The following LSG1 variants were observed in gnomAD, a reference collection of about 807,000 sequenced individuals.
LSG1 encodes the protein large 60S subunit nuclear export GTPase 1.
LSG1 carries 55 observed loss-of-function variants against 82.6 expected under a neutral mutation model. The observed-to-expected ratio is 0.67, with a 90% CI of 0.54 to 0.83. The LOEUF is 0.83. Ranked by LOEUF, LSG1 falls within the 40% of genes least tolerant of loss-of-function variation. The pLI is 0.00. For synonymous variants in LSG1, 272 were observed against 282.5 expected (o/e 0.96, Z 0.37); for missense variants, 809 against 807.9 (o/e 1.00, Z -0.02).
At chr3:194,655,922 T>C (rs559458712) in intron 7 of LSG1, among the ~76,000 whole-genome samples, 73 of 152,298 alleles carry the variant, frequency 4.8e-4, no homozygotes, top group African/African-American at 1.7e-3. Context: ...ATTTAATATA[T>C]GGTGCTGGGA....
chr3:194,665,443 A>G, intron 5 of LSG1, 114 bp downstream of exon 5: 1 of 624,316 alleles, frequency 1.6e-6, no homozygotes. Flanking sequence ...ATTCTCAGTA[A>G]CCCTCTGCAT....
chr3:194,666,643 A>C, intron 2 of LSG1, 71 bp from the exon 3 acceptor site: 1 of 1,258,174 alleles, frequency 7.9e-7, no homozygotes, highest in Non-Finnish European at 1.1e-6. Flanking sequence ...CATACTGATA[A>C]ACTGAGAAAA....
At chr3:194,655,112 A>C (rs2108618180) in intron 7 of LSG1, among the ~76,000 whole-genome samples, 1 of 152,308 alleles carries the variant, frequency 6.6e-6, no homozygotes, top group Non-Finnish European at 1.5e-5. Flanking sequence ...ACTTGGGAGA[A>C]GCAAATGGCG....
intron 12 of LSG1, among the ~76,000 whole-genome samples, chr3:194,645,830 C>T (rs1240537017): frequency 1.3e-5 from 2 of 152,128 alleles, no homozygotes; most frequent in African/African-American, 2.4e-5. Context: ...TAGCTGTTAT[C>T]GTTACTAGGC....
At chr3:194,667,739 A>T (rs2794673) in intron 2 of LSG1, among the ~76,000 whole-genome samples, 96,301 of 149,794 alleles carry the variant, frequency 0.64, 31,690 homozygotes, top group East Asian at 0.87. Flanking sequence ...CTGGCCTACA[A>T]GGTGAAACCC....
chr3:194,642,701 G>A (rs934969201), intron 13 of LSG1, among the ~76,000 whole-genome samples: 3 of 152,120 alleles, frequency 2.0e-5, no homozygotes, highest in African/African-American at 7.2e-5. Context: ...ATTATGACAA[G>A]TTTTCAGCTT....
chr3:194,654,652 G>A (rs149970872), intron 7 of LSG1, among the ~76,000 whole-genome samples: 1 of 152,156 alleles, frequency 6.6e-6, no homozygotes, highest in Non-Finnish European at 1.5e-5. Flanking sequence ...TTTCAAATAT[G>A]AAAGTAGCAT....
At chr3:194,647,746 C>G (rs1227678158) in intron 11 of LSG1, among the ~76,000 whole-genome samples, 2 of 152,178 alleles carry the variant, frequency 1.3e-5, no homozygotes, top group East Asian at 3.9e-4. Flanking sequence ...AGATCTCACC[C>G]AGGCTATTCC....
chr3:194,664,987 TATC>T (rs1231630886), intron 5 of LSG1, among the ~76,000 whole-genome samples: 3 of 152,280 alleles, frequency 2.0e-5, no homozygotes, highest in Admixed American at 6.5e-5. Context: ...CCTCAATACT[TATC>T]AACCACTCCT....
chr3:194,647,701 C>T (rs1182678229), intron 11 of LSG1, among the ~76,000 whole-genome samples: 1 of 152,168 alleles, frequency 6.6e-6, no homozygotes, highest in African/African-American at 2.4e-5. Context: ...TGGAAGTCCA[C>T]CTTTCTGCAT....
At chr3:194,670,561 T>C (rs577388721) in intron 1 of LSG1, among the ~76,000 whole-genome samples, 1 of 152,308 alleles carries the variant, frequency 6.6e-6, no homozygotes, top group Non-Finnish European at 1.5e-5. Context: ...TGTATGTACA[T>C]ATAATGATAC....
intron 12 of LSG1, 62 bp from the exon 13 acceptor site, chr3:194,644,808 A>G: frequency 7.2e-7 from 1 of 1,394,734 alleles, no homozygotes; most frequent in Non-Finnish European, 9.7e-7. Flanking sequence ...CTCAGAGGAG[A>G]CAGCTCCACC....
intron 5 of LSG1, chr3:194,660,914 T>C (rs1339768285): frequency 6.6e-6 from 3 of 456,368 alleles, no homozygotes; most frequent in African/African-American, 6.0e-5. Context: ...AATTCCCTTC[T>C]ATGGGAGGCT....
rs989865192 is a variant in LSG1 at position 194,645,597 on chromosome 3, C to G, written c.1623+567G>C. 2.8e-3 allele frequency among the ~76,000 whole-genome samples: 313 copies of G among 112,330 alleles called. 7 individuals carry two copies. The highest frequency in any genetic ancestry group is 0.015 in the Middle Eastern group (3 of 196). 73.7% of individuals were successfully genotyped at this position (112,330 alleles called of 152,430 possible). A position where few individuals can be genotyped will look rare whatever the true frequency, so the allele number is the denominator to read the frequency against. On this transcript the variant is annotated intron_variant, in intron 12 of 13. Coordinates refer to ENST00000265245, the MANE Select transcript of LSG1 (RefSeq NM_018385.3). ...ACAGACACACACACACACACACACA[C>G]ACACACACACACACACACACACACA...
In LSG1 at chr3:194,641,860, C is replaced by A; in HGVS notation, c.*208G>T. On this transcript the variant is annotated 3_prime_UTR_variant, in exon 14 of 14. Coordinates refer to ENST00000265245, the MANE Select transcript of LSG1 (RefSeq NM_018385.3). ...TGTGCCCGGCCAGGAGTAGGATTCT[C>A]GGGCTCCCAGATGACTCCTTTTTGT... is the stretch of plus-strand genomic sequence containing the variant. 2.2e-6 allele frequency: 1 copy of A among 463,808 alleles called. No individual in the cohort carries two copies. The highest frequency in any genetic ancestry group is 3.8e-6 in the Non-Finnish European group (1 of 266,226). The allele number at this position is 463,808 out of a possible 1,614,324, so 28.7% of individuals were successfully genotyped here.
At chr3:194,667,022 G>A (rs553859079) in intron 2 of LSG1, among the ~76,000 whole-genome samples, 1 of 152,136 alleles carries the variant, frequency 6.6e-6, no homozygotes, top group East Asian at 1.9e-4. Context: ...GAGAAGTAGA[G>A]GTGCTGGCTC....
intron 5 of LSG1, among the ~76,000 whole-genome samples, chr3:194,663,175 G>C (rs966347611): frequency 6.6e-6 from 1 of 152,128 alleles, no homozygotes; most frequent in Non-Finnish European, 1.5e-5. Flanking sequence ...ATTTCTCTTC[G>C]GAAATTAGAA....
chr3:194,666,132 G>T, intron 4 of LSG1, 71 bp downstream of exon 4: 2 of 1,275,958 alleles, frequency 1.6e-6, no homozygotes, highest in Non-Finnish European at 2.3e-6. Flanking sequence ...AACACAAATG[G>T]CTGTGTAAGC....
chr3:194,660,201 T>C (rs1718896625), intron 5 of LSG1, 68 bp from the exon 6 acceptor site: 2 of 1,241,694 alleles, frequency 1.6e-6, no homozygotes, highest in South Asian at 1.2e-5. Flanking sequence ...CACATAATAA[T>C]GGCCAGAGTA....
Sources: allele counts gnomAD v4.1 joint callset (sites outside exome capture counted in the v4.1 genomes callset), GRCh38; gene constraint gnomAD v4.1.1; transcripts MANE v1.5; gene names NCBI Gene and HGNC (gene_info 2026-07-23, HGNC 2026-07-21).